The following NBEAL1 variants were observed in gnomAD, a reference collection of about 807,000 sequenced individuals.
NBEAL1 encodes neurobeachin-like protein 1.
NBEAL1 carries 273 observed loss-of-function variants against 351.3 expected under a neutral mutation model. The observed-to-expected ratio is 0.78, with a 90% CI of 0.70 to 0.86. The LOEUF (loss-of-function observed/expected upper bound fraction) is 0.86, where lower values mean the gene tolerates loss of function less well. Ranked by LOEUF, NBEAL1 falls within the 40% of genes least tolerant of loss-of-function variation. The probability of loss-of-function intolerance (pLI) is 0.00; values close to 1 mark genes in which losing one functional copy is unlikely to be tolerated. For synonymous variants in NBEAL1, 1,050 were observed against 1,086.4 expected (o/e 0.97, Z 0.66); for missense variants, 2,961 against 3,201.3 (o/e 0.92, Z 1.81).
rs771994314 is a variant in NBEAL1 at position 203,038,757 on chromosome 2, A to G, written c.52-3008A>G. 2.7e-5 allele frequency among the ~76,000 whole-genome samples: 4 copies of G among 148,938 alleles called. 1 individual carries two copies. Among genetic ancestry groups the G allele is most frequent in the Non-Finnish European group, 6.0e-5 (4 of 66,442 alleles). On this transcript the variant is annotated intron_variant, in intron 2 of 55. Coordinates refer to ENST00000683969, the MANE Select transcript of NBEAL1 (RefSeq NM_001378026.1). ...CAGTGGCACGATCACAGCTCACCCCAGTCTTGACTTCCTGCGCTCAAGAAT... is the reference window on the plus strand; with the variant it reads ...CAGTGGCACGATCACAGCTCACCCCGGTCTTGACTTCCTGCGCTCAAGAAT...
intron 8 of NBEAL1, among the ~76,000 whole-genome samples, chr2:203,078,255 A>G (rs1344448818): frequency 6.6e-6 from 1 of 151,984 alleles, no homozygotes; most frequent in Non-Finnish European, 1.5e-5. Flanking sequence ...TTTTTTTTTC[A>G]ACAAATCCAA....
intron 8 of NBEAL1, among the ~76,000 whole-genome samples, chr2:203,079,430 T>C (rs2061834439): frequency 6.6e-6 from 1 of 152,142 alleles, no homozygotes; most frequent in African/African-American, 2.4e-5. Context: ...GTTGCTTACA[T>C]TTAAACTTGA....
At chr2:203,216,320 T>C (rs1191310558) in intron 55 of NBEAL1, among the ~76,000 whole-genome samples, 2 of 152,178 alleles carry the variant, frequency 1.3e-5, no homozygotes, top group Non-Finnish European at 2.9e-5. Context: ...AGCCTTAAAA[T>C]ATTTTAAAAT....
At position 203,151,651 on chromosome 2, in the gene NBEAL1, G is replaced by A. The variant is rs1283447430; in HGVS notation, c.5587+62G>A. 92 of 1,441,376 alleles carry A rather than the reference G, an allele frequency of 6.4e-5. No homozygotes were observed. In the Middle Eastern group the frequency reaches 7.4e-4, roughly 12 times the overall value. The allele number at this position is 1,441,376 out of a possible 1,614,324, so 89.3% of individuals were successfully genotyped here. A position where few individuals can be genotyped will look rare whatever the true frequency, so the allele number is the denominator to read the frequency against. ...TAATGAGAGTGTTCGTGGGGTTGAC[G>A]ATTGTTATTTTATTGTTTTAAATGT... On this transcript the variant is annotated intron_variant, in intron 35 of 55. Coordinates refer to ENST00000683969, the MANE Select transcript of NBEAL1 (RefSeq NM_001378026.1).
rs1370700925 is a variant in NBEAL1, at chr2:203,107,870, A to G, written c.1631A>G (p.His544Arg). ...QTCAENLIAI[H>R]GSLGSQSVSS... ...TGTGCTGAGAACTTGATTGCAATCC[A>G]TGGTTCCTTGGGGAGTCAGTCAGTG... The change falls in exon 14 of 56, where the codon CAT becomes CGT. Residue 544 changes from histidine (H) to arginine (R), a missense_variant. His to Arg is a conservative substitution (Grantham distance 29). Transcript: ENST00000683969. The G allele has an allele frequency of 1.3e-6, 2 of 1,554,300 alleles. No homozygotes were observed. The highest frequency in any genetic ancestry group is 1.2e-5 in the South Asian group (1 of 84,296).
chr2:203,216,592 T>G (rs1380554074), intron 55 of NBEAL1, among the ~76,000 whole-genome samples: 1 of 151,970 alleles, frequency 6.6e-6, no homozygotes, highest in Non-Finnish European at 1.5e-5. Flanking sequence ...AAATAAAAAA[T>G]TAATTAAAAA....
At chr2:203,040,045 T>A (rs910232298) in intron 2 of NBEAL1, 1 of 645,142 alleles carries the variant, frequency 1.6e-6, no homozygotes, top group Non-Finnish European at 2.7e-6. Flanking sequence ...TCATTGAGAA[T>A]ATGTCATTTA....
intron 48 of NBEAL1, among the ~76,000 whole-genome samples, chr2:203,198,217 T>C (rs2065292538): frequency 6.6e-6 from 1 of 151,822 alleles, no homozygotes. Context: ...TTTGCCATGT[T>C]GCCCAGGTTG....
chr2:203,037,925 G>A (rs1049760904), intron 2 of NBEAL1, among the ~76,000 whole-genome samples: 1 of 148,990 alleles, frequency 6.7e-6, no homozygotes, highest in African/African-American at 2.4e-5. Flanking sequence ...ACTGCACTCC[G>A]GCCTGGGTAA....
intron 41 of NBEAL1, among the ~76,000 whole-genome samples, chr2:203,173,185 A>G (rs2064377619): frequency 6.6e-6 from 1 of 152,190 alleles, no homozygotes; most frequent in African/African-American, 2.4e-5. Context: ...TTAATAATCA[A>G]ACATATTAAA....
At chr2:203,171,570 A>G (rs1445721379) in intron 39 of NBEAL1, among the ~76,000 whole-genome samples, 1 of 152,158 alleles carries the variant, frequency 6.6e-6, no homozygotes, top group African/African-American at 2.4e-5. Flanking sequence ...GCTTCACTGC[A>G]CTCCAGCCTG....
intron 42 of NBEAL1, among the ~76,000 whole-genome samples, chr2:203,177,812 C>G (rs1280387765): frequency 3.3e-5 from 5 of 151,880 alleles, no homozygotes; most frequent in Non-Finnish European, 7.4e-5. Flanking sequence ...TGAGGTCAGG[C>G]GTTCGAGACC....
At chr2:203,092,222 A>AT (rs1457635225) in intron 10 of NBEAL1, among the ~76,000 whole-genome samples, 2 of 152,084 alleles carry the variant, frequency 1.3e-5, no homozygotes, top group African/African-American at 4.8e-5. Flanking sequence ...TTGCTTTTGA[A>AT]TTTTTTTACT....
At chr2:203,038,069 T>C (rs2061068178) in intron 2 of NBEAL1, among the ~76,000 whole-genome samples, 2 of 149,610 alleles carry the variant, frequency 1.3e-5, no homozygotes, top group South Asian at 4.2e-4. Flanking sequence ...TCATTGTAAG[T>C]ATCAATAGTT....
intron 18 of NBEAL1, among the ~76,000 whole-genome samples, chr2:203,116,512 C>T (rs750290655): frequency 4.2e-4 from 63 of 151,766 alleles, no homozygotes; most frequent in Non-Finnish European, 4.1e-4. Flanking sequence ...CAGTGGCTCA[C>T]ACTTGTAATC....
intron 6 of NBEAL1, among the ~76,000 whole-genome samples, chr2:203,066,030 G>T (rs2061579673): frequency 6.6e-6 from 1 of 152,244 alleles, no homozygotes. Context: ...TCTAATATAT[G>T]TAATAGTTCT....
Position 203,110,259 on chromosome 2 carries a change from C to G in NBEAL1, c.2059C>G (p.His687Asp). The G allele has an allele frequency of 1.3e-6, 2 of 1,552,410 alleles. No homozygotes were observed. Among genetic ancestry groups the G allele is most frequent in the East Asian group, 2.4e-5 (1 of 41,088 alleles). ...ATATGCAACGGTTATGCTTCCTGAC[C>G]ACAGTTTCTGTGATTCCCTCTGGGT... Reference protein sequence around the residue: ...REYATVMLPDHSFCDSLWHNI... With the variant: ...REYATVMLPDDSFCDSLWHNI... Residue 687 changes from histidine (H) to aspartate (D), a missense_variant, in exon 15 of 56, where the codon CAC becomes GAC. Coordinates refer to ENST00000683969, the MANE Select transcript of NBEAL1 (RefSeq NM_001378026.1).
chr2:203,101,595 G>C (rs939255595), intron 12 of NBEAL1, among the ~76,000 whole-genome samples: 1 of 152,012 alleles, frequency 6.6e-6, no homozygotes, highest in African/African-American at 2.4e-5. Flanking sequence ...TGGGCAGTAT[G>C]GTCATTTTTT....
chr2:203,126,595 A>T lies in NBEAL1; in HGVS notation c.3024A>T (p.Ala1008=). 1.3e-6 allele frequency: 2 copies of T among 1,512,550 alleles called. No homozygotes were observed. The highest frequency in any genetic ancestry group is 2.6e-5 in the South Asian group (2 of 76,184). The allele number at this position is 1,512,550 out of a possible 1,614,324, so 93.7% of individuals were successfully genotyped here. A position where few individuals can be genotyped will look rare whatever the true frequency, so the allele number is the denominator to read the frequency against. ...STLMDVNVLM[A]VQLLIEQVSL... The stretch of plus-strand genomic sequence containing the variant: ...TGATGGATGTTAATGTGTTGATGGC[A>T]GTTCAGTTACTAATTGAACAAGTAT... The change falls in exon 22 of 56, where the codon GCA becomes GCT. Residue 1008 remains alanine, a synonymous_variant. Coordinates refer to ENST00000683969, the MANE Select transcript of NBEAL1 (RefSeq NM_001378026.1).
Sources: gnomAD v4.1 joint callset for allele counts (sites outside exome capture counted in the v4.1 genomes callset) on GRCh38, gnomAD v4.1.1 for gene constraint, MANE v1.5 for transcripts, NCBI Gene and HGNC (gene_info 2026-07-23, HGNC 2026-07-21) for gene names.